The following PALLD variants were observed in gnomAD, a reference collection of about 807,000 sequenced individuals.
PALLD encodes the protein palladin, cytoskeletal associated protein.
A neutral mutation model predicts 123.5 loss-of-function variants in PALLD; 61 were observed. The ratio of observed to expected loss-of-function variants is 0.49; its 90% CI spans 0.40 to 0.61. The LOEUF (loss-of-function observed/expected upper bound fraction) is 0.61, where lower values mean the gene tolerates loss of function less well. Ranked by LOEUF, PALLD falls within the 20% of genes least tolerant of loss-of-function variation. The probability of loss-of-function intolerance (pLI) is 0.00; values close to 1 mark genes in which losing one functional copy is unlikely to be tolerated. For synonymous variants in PALLD, 465 were observed against 496.4 expected (o/e 0.94, Z 0.84); for missense variants, 1,273 against 1,377.0 (o/e 0.92, Z 1.20).
intron 2 of PALLD, among the ~76,000 whole-genome samples, chr4:168,532,679 A>G (rs1764717364): frequency 6.6e-6 from 1 of 152,176 alleles, no homozygotes; most frequent in Non-Finnish European, 1.5e-5. Flanking sequence ...AAAAAATGAC[A>G]TTTCTTAAAA....
At chr4:168,587,467 T>C (rs535346669) in intron 2 of PALLD, among the ~76,000 whole-genome samples, 1 of 152,290 alleles carries the variant, frequency 6.6e-6, no homozygotes, top group Admixed American at 6.5e-5. Context: ...TCACCAGATT[T>C]CACTGGAAAG....
intron 2 of PALLD, among the ~76,000 whole-genome samples, chr4:168,525,710 C>A (rs1322425216): frequency 6.6e-6 from 1 of 152,112 alleles, no homozygotes; most frequent in Non-Finnish European, 1.5e-5. Flanking sequence ...GATACCATCA[C>A]CCTTAGTAAT....
At chr4:168,544,621 A>C (rs1193132460) in intron 2 of PALLD, among the ~76,000 whole-genome samples, 1 of 152,264 alleles carries the variant, frequency 6.6e-6, no homozygotes, top group Non-Finnish European at 1.5e-5. Context: ...TAAAATACTT[A>C]AGTGAATTGC....
At chr4:168,545,012 C>T (rs1388348929) in intron 2 of PALLD, among the ~76,000 whole-genome samples, 1 of 152,138 alleles carries the variant, frequency 6.6e-6, no homozygotes, top group Non-Finnish European at 1.5e-5. Context: ...TTCTCAGATC[C>T]AGCAACTTCA....
chr4:168,892,706 A>G (rs577577659), intron 11 of PALLD, among the ~76,000 whole-genome samples: 1 of 151,046 alleles, frequency 6.6e-6, no homozygotes, highest in Non-Finnish European at 1.5e-5. Context: ...TTTTCAAGCC[A>G]GGTAAGGCAT....
At chr4:168,779,734 T>C (rs548492517) in intron 10 of PALLD, among the ~76,000 whole-genome samples, 2 of 152,164 alleles carry the variant, frequency 1.3e-5, no homozygotes, top group Non-Finnish European at 2.9e-5. Flanking sequence ...AATTAATTAC[T>C]TGACTCCAAA....
chr4:168,766,847 G>T (rs1324357631), intron 10 of PALLD, among the ~76,000 whole-genome samples: 1 of 152,194 alleles, frequency 6.6e-6, no homozygotes, highest in Non-Finnish European at 1.5e-5. Flanking sequence ...TCCTGTAACT[G>T]CCAGCTATTG....
chr4:168,758,288 C>T (rs1411619854), intron 10 of PALLD, among the ~76,000 whole-genome samples: 1 of 152,068 alleles, frequency 6.6e-6, no homozygotes, highest in Non-Finnish European at 1.5e-5. Context: ...AAACTGTTGG[C>T]TCAGACATTG....
intron 16 of PALLD, among the ~76,000 whole-genome samples, chr4:168,914,782 A>G (rs1235068533): frequency 6.6e-6 from 1 of 152,230 alleles, no homozygotes; most frequent in Non-Finnish European, 1.5e-5. Flanking sequence ...AGTGAAGAGA[A>G]TACATAGTTA....
chr4:168,600,108 T>TATATATACATACATGTGTATACACAC (rs1772475913), intron 2 of PALLD, among the ~76,000 whole-genome samples: 1 of 121,558 alleles, frequency 8.2e-6, no homozygotes, highest in Non-Finnish European at 1.9e-5. Context: ...TATGCACACA[T>TATATATACATACATGTGTATACACAC]ATATATACAT....
At chr4:168,675,928 C>T (rs1388547742) in intron 3 of PALLD, among the ~76,000 whole-genome samples, 14 of 152,070 alleles carry the variant, frequency 9.2e-5, no homozygotes, top group African/African-American at 2.9e-4. Context: ...TGGTGGTGCA[C>T]ACCTGTAGTC....
At chr4:168,648,578 G>T (rs2723704) in intron 2 of PALLD, 112,040 of 152,090 alleles carry the variant, frequency 0.74, 41,740 homozygotes, top group East Asian at 0.87. Context: ...GATGCATTGC[G>T]CATTATTAGA....
chr4:168,550,887 A>C (rs547679776), intron 2 of PALLD, among the ~76,000 whole-genome samples: 3 of 152,280 alleles, frequency 2.0e-5, no homozygotes, highest in African/African-American at 7.2e-5. Context: ...TTTTTGGAAA[A>C]ACAGTTTCTA....
chr4:168,668,420 G>A, intron 3 of PALLD, 52 bp downstream of exon 3: 1 of 1,453,006 alleles, frequency 6.9e-7, no homozygotes, highest in Non-Finnish European at 9.4e-7. Flanking sequence ...ATGGTCTAAT[G>A]ACTCCAGTAT....
At chr4:168,541,781 T>C (rs1355011331) in intron 2 of PALLD, among the ~76,000 whole-genome samples, 1 of 152,080 alleles carries the variant, frequency 6.6e-6, no homozygotes, top group Non-Finnish European at 1.5e-5. Context: ...ATAGATCCAG[T>C]CTTTAAAGAA....
At chr4:168,592,494 C>G (rs1218913851) in intron 2 of PALLD, among the ~76,000 whole-genome samples, 1 of 151,916 alleles carries the variant, frequency 6.6e-6, no homozygotes, top group African/African-American at 2.4e-5. Context: ...ACTTTGAGAC[C>G]TCAAAAACTA....
intron 2 of PALLD, among the ~76,000 whole-genome samples, chr4:168,613,078 G>A (rs1185953421): frequency 6.6e-6 from 1 of 152,164 alleles, no homozygotes; most frequent in East Asian, 1.9e-4. Context: ...ATTCTGGGAG[G>A]TGGCATGACA....
chr4:168,781,958 AC>A (rs1735987850), intron 10 of PALLD, among the ~76,000 whole-genome samples: 1 of 151,950 alleles, frequency 6.6e-6, no homozygotes, highest in African/African-American at 2.4e-5. Flanking sequence ...AAAACAAACT[AC>A]CCTGGCACCC....
chr4:168,666,675 C>T (rs192653161), intron 2 of PALLD, among the ~76,000 whole-genome samples: 1 of 152,212 alleles, frequency 6.6e-6, no homozygotes, highest in African/African-American at 2.4e-5. Context: ...AGTGACAGAT[C>T]TGAAGTTTAG....
Sources: allele counts gnomAD v4.1 joint callset (sites outside exome capture counted in the v4.1 genomes callset), GRCh38; gene constraint gnomAD v4.1.1; transcripts MANE v1.5; gene names NCBI Gene and HGNC (gene_info 2026-07-23, HGNC 2026-07-21).